RPH3AL: variants seen among roughly 807,000 people sequenced by gnomAD.
The protein encoded by RPH3AL is rabphilin 3A like (without C2 domains).
A neutral mutation model predicts 43.1 loss-of-function variants in RPH3AL; 38 were observed. That is an observed-to-expected ratio of 0.88 (90% CI 0.68 to 1.15). The LOEUF (loss-of-function observed/expected upper bound fraction) is 1.15, where lower values mean the gene tolerates loss of function less well. RPH3AL is among the 50% of genes most tolerant of loss of function. The pLI is 0.00. For synonymous variants in RPH3AL, 189 were observed against 176.3 expected, an observed-to-expected ratio of 1.07 and a Z score of -0.57; for missense variants, 462 against 423.2, an observed-to-expected ratio of 1.09 and a Z score of -0.81.
At chr17:314,680 G>GCCCCACCTCC (rs71143497) in intron 5 of RPH3AL, among the ~76,000 whole-genome samples, 1 of 36,146 alleles carries the variant, frequency 2.8e-5, no homozygotes, top group Non-Finnish European at 4.8e-5. Context: ...TAGTCTCTGT[G>GCCCCACCTCC]ACTCCACCTC....
At chr17:294,551 A>G (rs1598032528) in intron 5 of RPH3AL, among the ~76,000 whole-genome samples, 1 of 149,010 alleles carries the variant, frequency 6.7e-6, no homozygotes, top group Non-Finnish European at 1.5e-5. Flanking sequence ...AATGCACATC[A>G]GTGTGGGAGG....
intron 1 of RPH3AL, among the ~76,000 whole-genome samples, chr17:334,882 G>A (rs115443629): frequency 0.034 from 2,256 of 65,748 alleles, 399 homozygotes; most frequent in Middle Eastern, 0.12. Context: ...CGGAGGGACA[G>A]GGACAGGGAC....
In RPH3AL at chr17:243,041, A is replaced by ATCCTCTATTGATTACCCT. The variant is rs1567577345; in HGVS notation, c.613+4052_613+4069dup. 3.3e-4 allele frequency among the ~76,000 whole-genome samples: 21 copies of ATCCTCTATTGATTACCCT among 62,902 alleles called. 1 individual carries two copies. Among genetic ancestry groups the ATCCTCTATTGATTACCCT allele is most frequent in the African/African-American group, 1.1e-3 (21 of 18,564 alleles). 41.3% of individuals were successfully genotyped at this position (62,902 alleles called of 152,430 possible). On this transcript the variant is annotated intron_variant, in intron 7 of 9. Coordinates refer to ENST00000331302, the MANE Select transcript of RPH3AL (RefSeq NM_006987.4). ...TGAATACCTTCCTCTATTGAATACC[A>ATCCTCTATTGATTACCCT]TCCTCTATTGATTACCCTTCCTCTA...
chr17:327,607 G>C, intron 2 of RPH3AL, 28 bp from the exon 3 acceptor site: 1 of 1,483,788 alleles, frequency 6.7e-7, no homozygotes. Flanking sequence ...AGACGAAAGA[G>C]TGTGCATCAT....
intron 5 of RPH3AL, among the ~76,000 whole-genome samples, chr17:310,170 G>A (rs1435175539): frequency 6.6e-6 from 1 of 152,114 alleles, no homozygotes. Context: ...AAAGCTGGCT[G>A]ACTCAGATCC....
chr17:265,942 C>A (rs4371209), intron 6 of RPH3AL, among the ~76,000 whole-genome samples: 9,802 of 152,204 alleles, frequency 0.064, 426 homozygotes, highest in Non-Finnish European at 0.087. Context: ...CCGCTCACGG[C>A]GGATGTTCAG....
Position 245,331 on chromosome 17 carries a change from GTGTGTGGATGTGAGTGTGTA to G in RPH3AL, c.613+1760_613+1779del, listed in dbSNP as rs1291025128. Among the ~76,000 whole-genome samples the G allele has an allele frequency of 6.6e-6, 1 of 151,228 alleles. No homozygotes were observed. Among genetic ancestry groups the G allele is most frequent in the Non-Finnish European group, 1.5e-5 (1 of 67,806 alleles). On this transcript the variant is annotated intron_variant, in intron 7 of 9. Coordinates refer to ENST00000331302, the MANE Select transcript of RPH3AL (RefSeq NM_006987.4). The surrounding 1 kb of genome is among the most constrained non-coding windows in gnomAD (Gnocchi z 5.9). ...TGTGTGGATGTGGATGTCAGTGTGT[GTGTGTGGATGTGAGTGTGTA>G]TGTGGATGTCAGTGTGTGTGTGTGG...
chr17:219,236 G>A (rs2040890280), intron 8 of RPH3AL, among the ~76,000 whole-genome samples: 2 of 101,518 alleles, frequency 2.0e-5, no homozygotes, highest in Non-Finnish European at 3.5e-5. Context: ...GTCTTGATCT[G>A]TCGCCAGGCT....
intron 5 of RPH3AL, among the ~76,000 whole-genome samples, chr17:284,394 C>A (rs368798650): frequency 6.6e-6 from 1 of 152,208 alleles, no homozygotes; most frequent in African/African-American, 2.4e-5. Context: ...CTGGTGCGCA[C>A]GGCTCTCTAG....
chr17:273,155 T>C (rs79490462), intron 6 of RPH3AL, among the ~76,000 whole-genome samples: 811 of 982 alleles, frequency 0.83, 364 homozygotes, highest in South Asian at 0.93. Flanking sequence ...GCGAGGGTGA[T>C]GTCAGGGTGA....
At chr17:242,693 T>C (rs879649018) in intron 7 of RPH3AL, among the ~76,000 whole-genome samples, 449 of 43,038 alleles carry the variant, frequency 0.01, 1 homozygote, top group South Asian at 0.034. Flanking sequence ...CCTCTATTGA[T>C]TACCTTCCTC....
intron 6 of RPH3AL, among the ~76,000 whole-genome samples, chr17:252,857 G>A (rs1377694648): frequency 6.6e-6 from 1 of 152,218 alleles, no homozygotes; most frequent in African/African-American, 2.4e-5. Flanking sequence ...AAATGCTCCA[G>A]TGAGTTTTGG....
chr17:267,636 C>T (rs542335298), intron 6 of RPH3AL, among the ~76,000 whole-genome samples: 14 of 152,238 alleles, frequency 9.2e-5, no homozygotes, highest in East Asian at 3.9e-4. Flanking sequence ...TTTTTGATTA[C>T]GTATTTGATT....
rs915346913 is a variant in RPH3AL at position 289,176 on chromosome 17, C to G, written c.352-7322G>C. Among the ~76,000 whole-genome samples the G allele has an allele frequency of 3.3e-5, 5 of 152,078 alleles. No homozygotes were observed. The highest frequency in any genetic ancestry group is 9.7e-5 in the African/African-American group (4 of 41,388). ...CTGTAAGTTGGTGGTAACAGGCCCC[C>G]CCACACCCCAGGTTGCAGATGAGGG... is the stretch of plus-strand genomic sequence containing the variant. On this transcript the variant is annotated intron_variant, in intron 5 of 9. Transcript: ENST00000331302. The surrounding 1 kb of genome is among the most constrained non-coding windows in gnomAD (Gnocchi z 5.2).
intron 5 of RPH3AL, among the ~76,000 whole-genome samples, chr17:318,157 C>A (rs577444520): frequency 2.6e-5 from 4 of 151,960 alleles, no homozygotes; most frequent in African/African-American, 7.3e-5. Flanking sequence ...CCGAGGCAGG[C>A]GGATCACCTG....
chr17:227,984 G>A (rs571255665), intron 7 of RPH3AL, among the ~76,000 whole-genome samples: 17 of 152,292 alleles, frequency 1.1e-4, no homozygotes, highest in African/African-American at 2.6e-4. Context: ...CTGCAGAGAC[G>A]CAGGACTGTC....
chr17:228,782 C>A (rs2041161735), intron 7 of RPH3AL, among the ~76,000 whole-genome samples: 1 of 152,174 alleles, frequency 6.6e-6, no homozygotes, highest in African/African-American at 2.4e-5. Context: ...CAGAAATCCT[C>A]CTCTCCAGGC....
chr17:219,608 C>A lies in RPH3AL; in HGVS notation c.727+15G>T. On this transcript the variant is annotated intron_variant, in intron 8 of 9. Transcript: ENST00000331302. Reference sequence around the variant, plus strand: ...CGTGCCCGGCCAATAAGCAGCATTTCACTCCCCACCTTACCTGACTCCTTC... The same window carrying A: ...CGTGCCCGGCCAATAAGCAGCATTTAACTCCCCACCTTACCTGACTCCTTC... The A allele has an allele frequency of 7.0e-7, 1 of 1,436,180 alleles. No homozygotes were observed. Among genetic ancestry groups the A allele is most frequent in the Non-Finnish European group, 9.4e-7 (1 of 1,060,142 alleles). 89.0% of individuals were successfully genotyped at this position (1,436,180 alleles called of 1,614,324 possible).
chr17:245,455 TTG>T lies in RPH3AL; in HGVS notation c.613+1654_613+1655del, dbSNP rs1372858524. On this transcript the variant is annotated intron_variant, in intron 7 of 9. Transcript: ENST00000331302. The surrounding 1 kb of genome is among the most constrained non-coding windows in gnomAD (Gnocchi z 5.9). ...TAGGTGTGAGCGTGTGTCAATGCGG[TTG>T]TGTTTGTGTGCGTGGATGTGAGTGT... is the stretch of plus-strand genomic sequence containing the variant. Among the ~76,000 whole-genome samples, 3 of 140,502 alleles carry T rather than the reference TTG, an allele frequency of 2.1e-5. No homozygotes were observed. Among genetic ancestry groups the T allele is most frequent in the African/African-American group, 5.2e-5 (2 of 38,312 alleles). The allele number at this position is 140,502 out of a possible 152,430, so 92.2% of individuals were successfully genotyped here. A position where few individuals can be genotyped will look rare whatever the true frequency, so the allele number is the denominator to read the frequency against.
Sources: gnomAD v4.1 joint callset for allele counts (sites outside exome capture counted in the v4.1 genomes callset) on GRCh38, gnomAD v4.1.1 for gene constraint, Gnocchi (gnomAD v3.1) non-coding constraint, MANE v1.5 for transcripts, NCBI Gene and HGNC (gene_info 2026-07-23, HGNC 2026-07-21) for gene names.